The following CPVL variants were observed in gnomAD, a reference collection of about 807,000 sequenced individuals.
The protein encoded by CPVL is carboxypeptidase vitellogenic like, also known as probable serine carboxypeptidase CPVL.
Under a neutral mutation model 63.7 loss-of-function variants are expected in CPVL, and 51 were observed. The observed-to-expected ratio is 0.80, with a 90% confidence interval of 0.64 to 1.01. The LOEUF is 1.01. CPVL is among the 50% of genes least tolerant of loss of function. The probability of loss-of-function intolerance (pLI) is 0.00; values close to 1 mark genes in which losing one functional copy is unlikely to be tolerated. For synonymous variants in CPVL, 195 were observed against 206.0 expected (o/e 0.95, Z 0.46); for missense variants, 530 against 573.1 (o/e 0.92, Z 0.77).
At chr7:29,136,429 A>T (rs1048122312) in intron 1 of CPVL, among the ~76,000 whole-genome samples, 1 of 152,264 alleles carries the variant, frequency 6.6e-6, no homozygotes, top group African/African-American at 2.4e-5. Flanking sequence ...AGAGAAAATT[A>T]TATCACCATT....
At chr7:29,030,408 T>C (rs1279781542) in intron 12 of CPVL, among the ~76,000 whole-genome samples, 169 bp downstream of exon 12, 1 of 152,220 alleles carries the variant, frequency 6.6e-6, no homozygotes, top group African/African-American at 2.4e-5. Context: ...GTCCTATGTA[T>C]GTCTGAACTC....
chr7:29,102,496 G>C (rs1562770390), intron 3 of CPVL, among the ~76,000 whole-genome samples: 1 of 152,134 alleles, frequency 6.6e-6, no homozygotes, highest in Non-Finnish European at 1.5e-5. Flanking sequence ...TATTTAAGAA[G>C]AAAATAAAAC....
chr7:29,013,880 A>G (rs1645585891), intron 12 of CPVL, among the ~76,000 whole-genome samples: 1 of 152,252 alleles, frequency 6.6e-6, no homozygotes, highest in South Asian at 2.1e-4. Context: ...TGAGCTGGGC[A>G]TAAAAGGCCT....
chr7:29,129,436 A>C (rs1010494000), intron 1 of CPVL, among the ~76,000 whole-genome samples: 1 of 151,878 alleles, frequency 6.6e-6, no homozygotes, highest in Non-Finnish European at 1.5e-5. Context: ...TTGCAGACGT[A>C]GTAAGGTTGA....
At chr7:29,096,461 C>T in intron 3 of CPVL, 3 of 536,156 alleles carry the variant, frequency 5.6e-6, no homozygotes, top group South Asian at 2.9e-5. Context: ...CTTTTCCCAA[C>T]AAGAGACAGA....
In CPVL at chr7:29,094,200, G is replaced by C. The variant is rs1786152792; in HGVS notation, c.462+884C>G. Reference sequence around the variant, plus strand: ...TACTAAAAATACAAAAGTTAGCCAGGCATGGTGGCGCAAGTCTGTAATCCC... The same window carrying C: ...TACTAAAAATACAAAAGTTAGCCAGCCATGGTGGCGCAAGTCTGTAATCCC... On this transcript the variant is annotated intron_variant, in intron 5 of 12. Transcript: ENST00000265394. Among the ~76,000 whole-genome samples, 3 of 152,150 alleles carry C rather than the reference G, an allele frequency of 2.0e-5. No individual in the cohort carries two copies. In the South Asian group the frequency reaches 6.2e-4, roughly 32 times the overall value.
At chr7:29,071,665 C>A (rs1393272699) in intron 9 of CPVL, 108 bp downstream of exon 9, 2 of 1,262,168 alleles carry the variant, frequency 1.6e-6, no homozygotes, top group Non-Finnish European at 2.2e-6. Context: ...AACAGATATA[C>A]CTTCTTAACA....
intron 1 of CPVL, chr7:29,193,837 G>T (rs1337737905): frequency 6.6e-6 from 1 of 152,202 alleles, no homozygotes; most frequent in Non-Finnish European, 1.5e-5. Flanking sequence ...CCAGCTTTGT[G>T]TGGGCCTGAT....
In CPVL at chr7:29,013,270, A is replaced by G. The variant is rs868469628; in HGVS notation, c.1320+17307T>C. On this transcript the variant is annotated intron_variant, in intron 12 of 12. Coordinates refer to ENST00000265394, the MANE Select transcript of CPVL (RefSeq NM_031311.5). ...CAAACTCCCAGCTGAATGCAGCTGC[A>G]CATGTGACCTCAGCCTACCCCATCT... 3.3e-5 allele frequency: 5 copies of G among 152,238 alleles called. 1 individual carries two copies. In the South Asian group the frequency reaches 8.3e-4, roughly 25 times the overall value. 9.4% of individuals were successfully genotyped at this position (152,238 alleles called of 1,614,324 possible). A position where few individuals can be genotyped will look rare whatever the true frequency, so the allele number is the denominator to read the frequency against.
chr7:29,100,025 T>TA (rs1786931238), intron 3 of CPVL, among the ~76,000 whole-genome samples: 1 of 152,176 alleles, frequency 6.6e-6, no homozygotes, highest in Non-Finnish European at 1.5e-5. Context: ...TTTGTTTAAA[T>TA]AAGTGATTTT....
chr7:29,126,630 T>C (rs1490202552), intron 1 of CPVL: 1 of 152,166 alleles, frequency 6.6e-6, no homozygotes, highest in Non-Finnish European at 1.5e-5. Flanking sequence ...AGAGCAGGTA[T>C]TTAAACCAGC....
chr7:29,056,894 T>A (rs997801522), intron 11 of CPVL, among the ~76,000 whole-genome samples: 4 of 152,018 alleles, frequency 2.6e-5, no homozygotes, highest in Admixed American at 6.6e-5. Flanking sequence ...TGGTATCTCA[T>A]GGCTTTAATT....
intron 11 of CPVL, among the ~76,000 whole-genome samples, chr7:29,054,094 A>AACAAC (rs1474126127): frequency 6.6e-6 from 1 of 152,004 alleles, no homozygotes; most frequent in Non-Finnish European, 1.5e-5. Flanking sequence ...AACAAAACAA[A>AACAAC]CAAAATCTGT....
intron 11 of CPVL, among the ~76,000 whole-genome samples, chr7:29,047,636 A>C (rs1789754119): frequency 6.6e-6 from 1 of 152,206 alleles, no homozygotes; most frequent in Non-Finnish European, 1.5e-5. Context: ...ATCGAGGAAA[A>C]CTTCCCTGGC....
At chr7:29,159,164 C>A (rs924530836) in intron 5 of CPVL, among the ~76,000 whole-genome samples, 1 of 152,174 alleles carries the variant, frequency 6.6e-6, no homozygotes, top group African/African-American at 2.4e-5. Context: ...GTGCAGACTC[C>A]TGCAAGCAGA....
intron 9 of CPVL, 82 bp from the exon 10 acceptor site, chr7:29,066,203 T>G (rs912986552): frequency 9.1e-6 from 7 of 769,934 alleles, no homozygotes; most frequent in Non-Finnish European, 1.5e-5. Context: ...GTCATTTCAT[T>G]TATTCAACAA....
At chr7:29,189,884 G>A (rs936639460) in intron 1 of CPVL, among the ~76,000 whole-genome samples, 3 of 152,190 alleles carry the variant, frequency 2.0e-5, no homozygotes, top group Non-Finnish European at 4.4e-5. Flanking sequence ...CCTGCGTCGT[G>A]TGCCGCCACT....
At chr7:29,062,543 A>C (rs1271553984) in intron 11 of CPVL, among the ~76,000 whole-genome samples, 1 of 152,174 alleles carries the variant, frequency 6.6e-6, no homozygotes, top group Non-Finnish European at 1.5e-5. Flanking sequence ...TATTTTCAAC[A>C]ATGGTTACGT....
chr7:29,074,804 G>A (rs994767980), intron 7 of CPVL, among the ~76,000 whole-genome samples: 2 of 150,304 alleles, frequency 1.3e-5, no homozygotes, highest in African/African-American at 4.9e-5. Context: ...AGATACTTGA[G>A]GAGACACAAA....
Sources: gnomAD v4.1 joint callset for allele counts (sites outside exome capture counted in the v4.1 genomes callset) on GRCh38, gnomAD v4.1.1 for gene constraint, MANE v1.5 for transcripts, NCBI Gene and HGNC (gene_info 2026-07-23, HGNC 2026-07-21) for gene names.